The following LRRC8B variants were observed in gnomAD, a reference collection of about 807,000 sequenced individuals.
The protein encoded by LRRC8B is leucine rich repeat containing 8 VRAC subunit B, also known as volume-regulated anion channel subunit LRRC8B.
LRRC8B carries 23 observed loss-of-function variants against 58.8 expected under a neutral mutation model. That is an observed-to-expected ratio of 0.39 (90% CI 0.28 to 0.55). The LOEUF is 0.55. Among genes scored for constraint, LRRC8B ranks in the 20% least tolerant of loss-of-function variants. The probability of loss-of-function intolerance (pLI) is 0.62; values close to 1 mark genes in which losing one functional copy is unlikely to be tolerated. For missense variants in LRRC8B, 694 were observed against 936.0 expected (o/e 0.74, Z 3.37); for synonymous variants, 359 against 374.1 (o/e 0.96, Z 0.47).
intron 1 of LRRC8B, among the ~76,000 whole-genome samples, chr1:89,549,448 G>T (rs1176542271): frequency 1.3e-5 from 2 of 152,158 alleles, no homozygotes; most frequent in African/African-American, 4.8e-5. Context: ...GAAGTGAAAT[G>T]AAAAATATGC....
At chr1:89,556,713 G>A (rs1297329689) in intron 1 of LRRC8B, among the ~76,000 whole-genome samples, 1 of 152,136 alleles carries the variant, frequency 6.6e-6, no homozygotes, top group East Asian at 1.9e-4. Flanking sequence ...GGAGCAAATG[G>A]CAACCAGTGA....
At chr1:89,556,430 G>A (rs61799532) in intron 1 of LRRC8B, among the ~76,000 whole-genome samples, 27,823 of 152,038 alleles carry the variant, frequency 0.18, 3,293 homozygotes, top group South Asian at 0.33. Flanking sequence ...TGAAGAGAGC[G>A]TTATGGGAAC....
intron 1 of LRRC8B, among the ~76,000 whole-genome samples, chr1:89,537,739 C>T (rs535273195): frequency 6.6e-6 from 1 of 152,312 alleles, no homozygotes; most frequent in Admixed American, 6.5e-5. Context: ...TCCCAGAGTG[C>T]TGGGATTACA....
chr1:89,525,040 A>T lies in LRRC8B; in HGVS notation c.-241+18A>T, dbSNP rs955117425. ...TCGCGCAGGTAGGTCGGAGCGTGACACCCCGGTTCCAGGAGGGCGAGCCGC... is the reference window on the plus strand; with the variant it reads ...TCGCGCAGGTAGGTCGGAGCGTGACTCCCCGGTTCCAGGAGGGCGAGCCGC... On this transcript the variant is annotated intron_variant, in intron 1 of 5. Coordinates refer to ENST00000330947, the MANE Select transcript of LRRC8B (RefSeq NM_001369817.2). 6.6e-6 allele frequency: 1 copy of T among 152,118 alleles called. No individual in the cohort carries two copies. The highest frequency in any genetic ancestry group is 1.5e-5 in the Non-Finnish European group (1 of 68,078). The allele number at this position is 152,118 out of a possible 1,614,324, so 9.4% of individuals were successfully genotyped here.
chr1:89,547,713 G>GA (rs1651512499), intron 1 of LRRC8B, among the ~76,000 whole-genome samples: 2 of 151,140 alleles, frequency 1.3e-5, no homozygotes, highest in Admixed American at 1.3e-4. Context: ...ATAAAATCAA[G>GA]AAACCACCAT....
chr1:89,558,157 G>A (rs1652330127), intron 1 of LRRC8B, among the ~76,000 whole-genome samples: 1 of 152,160 alleles, frequency 6.6e-6, no homozygotes, highest in African/African-American at 2.4e-5. Flanking sequence ...CCCACAGCGA[G>A]TCACAGGGTG....
intron 3 of LRRC8B, among the ~76,000 whole-genome samples, chr1:89,574,083 T>C (rs185083933): frequency 6.6e-6 from 1 of 152,372 alleles, no homozygotes; most frequent in Admixed American, 6.5e-5. Context: ...ATTAGCCATA[T>C]AGAGGACTGG....
intron 1 of LRRC8B, among the ~76,000 whole-genome samples, chr1:89,541,191 G>C (rs1368019654): frequency 1.3e-5 from 2 of 152,212 alleles, no homozygotes; most frequent in African/African-American, 4.8e-5. Flanking sequence ...CCTCCAGGCA[G>C]CTTAGCTCAT....
In LRRC8B at chr1:89,547,751, A is replaced by G. The variant is rs111365405; in HGVS notation, c.-240-20496A>G. 5.8e-3 allele frequency among the ~76,000 whole-genome samples: 883 copies of G among 152,314 alleles called. 14 individuals are homozygous for G. Among genetic ancestry groups the G allele is most frequent in the African/African-American group, 0.02 (838 of 41,580 alleles). On this transcript the variant is annotated intron_variant, in intron 1 of 5. Coordinates refer to ENST00000330947, the MANE Select transcript of LRRC8B (RefSeq NM_001369817.2). ...GCAGTTTATCATGCCCATCAGGGCA[A>G]AGGAATCCACTAGAGCCTTCCCAAG...
chr1:89,541,234 A>G (rs954891877), intron 1 of LRRC8B, among the ~76,000 whole-genome samples: 5 of 152,310 alleles, frequency 3.3e-5, no homozygotes, highest in South Asian at 2.1e-4. Flanking sequence ...TTATGGGCTC[A>G]TTGGGTAAGG....
chr1:89,572,521 T>A (rs1050233253), intron 3 of LRRC8B: 6 of 152,224 alleles, frequency 3.9e-5, no homozygotes, highest in African/African-American at 1.4e-4. Flanking sequence ...ATCCCATATT[T>A]CTTGGAGGCT....
chr1:89,552,257 A>G (rs973066836), intron 1 of LRRC8B, among the ~76,000 whole-genome samples: 1 of 152,210 alleles, frequency 6.6e-6, no homozygotes, highest in Non-Finnish European at 1.5e-5. Context: ...ATAAAGAATA[A>G]TAATTAGTAA....
At chr1:89,564,318 T>C (rs946106510) in intron 1 of LRRC8B, among the ~76,000 whole-genome samples, 1 of 152,208 alleles carries the variant, frequency 6.6e-6, no homozygotes, top group Non-Finnish European at 1.5e-5. Context: ...GAAAACAAAA[T>C]AGATCTCATT....
chr1:89,538,121 A>G (rs538074814), intron 1 of LRRC8B, among the ~76,000 whole-genome samples: 11 of 152,196 alleles, frequency 7.2e-5, no homozygotes, highest in Non-Finnish European at 1.3e-4. Context: ...TGGTTAGAAC[A>G]TACCACTCTT....
Position 89,583,403 on chromosome 1 carries a change from G to A in LRRC8B, c.753G>A (p.Lys251=), listed in dbSNP as rs780715262. 1.1e-5 allele frequency: 18 copies of A among 1,613,998 alleles called. No individual in the cohort carries two copies. The highest frequency in any genetic ancestry group is 1.5e-5 in the Non-Finnish European group (18 of 1,180,030). Reference sequence around the variant, plus strand: ...GATTCCGCATGCATGTGGAGCAGAAGGACATCATTTATAGAGTATATCTGA... The same window carrying A: ...GATTCCGCATGCATGTGGAGCAGAAAGACATCATTTATAGAGTATATCTGA... ...VKRFRMHVEQ[K]DIIYRVYLKQ... The change falls in exon 5 of 6, where the codon AAG becomes AAA. Residue 251 remains lysine, a synonymous_variant. Transcript: ENST00000330947. The surrounding 1 kb of genome is among the most constrained non-coding windows in gnomAD (Gnocchi z 5.2).
chr1:89,566,925 A>G (rs114849815), intron 1 of LRRC8B, among the ~76,000 whole-genome samples: 2,612 of 152,308 alleles, frequency 0.017, 85 homozygotes, highest in African/African-American at 0.058. Context: ...CTTATCTCCA[A>G]ATCTTCCAGA....
intron 5 of LRRC8B, among the ~76,000 whole-genome samples, chr1:89,586,225 A>G (rs1654613363): frequency 1.3e-5 from 2 of 152,186 alleles, no homozygotes; most frequent in African/African-American, 4.8e-5. Context: ...AGGACCCAAG[A>G]GTTTGCATTT....
intron 1 of LRRC8B, among the ~76,000 whole-genome samples, chr1:89,525,413 C>T (rs552514570): frequency 1.3e-5 from 2 of 152,316 alleles, no homozygotes; most frequent in East Asian, 1.9e-4. Flanking sequence ...GCTGGCGTCT[C>T]GCTCCAGATG....
intron 1 of LRRC8B, among the ~76,000 whole-genome samples, chr1:89,562,498 G>A (rs1652751478): frequency 6.6e-6 from 1 of 151,028 alleles, no homozygotes; most frequent in Non-Finnish European, 1.5e-5. Context: ...CCGAGACTTG[G>A]TCTCACTCTG....
Sources: allele counts gnomAD v4.1 joint callset (sites outside exome capture counted in the v4.1 genomes callset), GRCh38; gene constraint gnomAD v4.1.1; non-coding constraint Gnocchi (gnomAD v3.1); transcripts MANE v1.5; gene names NCBI Gene and HGNC (gene_info 2026-07-23, HGNC 2026-07-21).